CSMD1: variants seen among roughly 807,000 people sequenced by gnomAD.
CSMD1 encodes CUB and Sushi multiple domains 1.
CSMD1 carries 213 observed loss-of-function variants against 417.5 expected under a neutral mutation model. The ratio of observed to expected loss-of-function variants is 0.51; its 90% CI spans 0.46 to 0.57. The LOEUF (loss-of-function observed/expected upper bound fraction) is 0.57. Among genes scored for constraint, CSMD1 ranks in the 20% least tolerant of loss-of-function variants. CSMD1 has a pLI of 0.00. For synonymous variants in CSMD1, 2,862 were observed against 1,736.8 expected, an observed-to-expected ratio of 1.65 and a Z score of -16.11; for missense variants, 6,923 against 4,529.7, an observed-to-expected ratio of 1.53 and a Z score of -15.17.
chr8:4,291,491 T>A (rs902437260), intron 3 of CSMD1, among the ~76,000 whole-genome samples: 3 of 152,200 alleles, frequency 2.0e-5, no homozygotes, highest in Non-Finnish European at 4.4e-5. Flanking sequence ...TAATTCCCAG[T>A]GATTCTGACA....
At chr8:3,725,233 G>A (rs1479112135) in intron 6 of CSMD1, among the ~76,000 whole-genome samples, 3 of 152,130 alleles carry the variant, frequency 2.0e-5, no homozygotes, top group Non-Finnish European at 4.4e-5. Flanking sequence ...TTGCTAGGAA[G>A]GCCCTCAAGG....
At chr8:3,847,367 GT>G (rs1803578219) in intron 5 of CSMD1, among the ~76,000 whole-genome samples, 2 of 152,184 alleles carry the variant, frequency 1.3e-5, no homozygotes, top group South Asian at 4.2e-4. Context: ...AGCAGAAGTG[GT>G]CCCCTCCTGC....
intron 3 of CSMD1, among the ~76,000 whole-genome samples, chr8:4,392,133 C>T (rs897837874): frequency 6.6e-6 from 1 of 152,198 alleles, no homozygotes; most frequent in Non-Finnish European, 1.5e-5. Flanking sequence ...GAGTCAAGTC[C>T]AGATTGCTGA....
At chr8:4,075,782 C>A (rs149230844) in intron 3 of CSMD1, among the ~76,000 whole-genome samples, 1 of 152,052 alleles carries the variant, frequency 6.6e-6, no homozygotes, top group East Asian at 1.9e-4. Context: ...CCAGGTTTCT[C>A]AAGAGGTTGT....
intron 1 of CSMD1, among the ~76,000 whole-genome samples, chr8:4,743,140 C>G: frequency 6.6e-6 from 1 of 152,176 alleles, no homozygotes; most frequent in East Asian, 1.9e-4. Flanking sequence ...AATAACCAAA[C>G]TTTTAACAGA....
chr8:4,715,581 G>A (rs374864726), intron 1 of CSMD1, among the ~76,000 whole-genome samples: 1 of 152,078 alleles, frequency 6.6e-6, no homozygotes, highest in South Asian at 2.1e-4. Context: ...CTCTGCGGAT[G>A]CCTCACTGAC....
At chr8:4,881,897 C>T (rs1027908291) in intron 1 of CSMD1, among the ~76,000 whole-genome samples, 4 of 151,936 alleles carry the variant, frequency 2.6e-5, no homozygotes, top group African/African-American at 9.7e-5. Flanking sequence ...AGGGGAAAAA[C>T]ATTGATGCTG....
intron 47 of CSMD1, among the ~76,000 whole-genome samples, chr8:3,096,208 C>T (rs1459796341): frequency 6.6e-6 from 1 of 152,106 alleles, no homozygotes; most frequent in Non-Finnish European, 1.5e-5. Context: ...GGGTGTATTC[C>T]TAAGCATTCT....
chr8:4,149,241 G>T (rs748133274), intron 3 of CSMD1, among the ~76,000 whole-genome samples: 1 of 152,086 alleles, frequency 6.6e-6, no homozygotes, highest in Non-Finnish European at 1.5e-5. Flanking sequence ...TGAGATAACA[G>T]GCATAAGCCA....
intron 1 of CSMD1, among the ~76,000 whole-genome samples, chr8:4,986,120 G>C (rs1811167986): frequency 6.6e-6 from 1 of 152,134 alleles, no homozygotes; most frequent in Admixed American, 6.5e-5. Context: ...ATTGTTGATG[G>C]ACTTTGAACA....
intron 1 of CSMD1, among the ~76,000 whole-genome samples, chr8:4,977,853 G>C (rs1340734191): frequency 6.6e-6 from 1 of 152,232 alleles, no homozygotes; most frequent in Non-Finnish European, 1.5e-5. Flanking sequence ...AATTGACTAA[G>C]CACAGTGGAA....
intron 2 of CSMD1, among the ~76,000 whole-genome samples, chr8:4,461,865 C>T (rs954637580): frequency 2.0e-5 from 3 of 151,536 alleles, no homozygotes; most frequent in Admixed American, 6.6e-5. Context: ...CTCAGCCTCC[C>T]GAGTAGCTCG....
intron 3 of CSMD1, among the ~76,000 whole-genome samples, chr8:4,114,645 T>A (rs1356277925): frequency 2.0e-5 from 3 of 152,238 alleles, no homozygotes; most frequent in African/African-American, 7.2e-5. Context: ...TGGAAAGGAT[T>A]ATCTTTGCTA....
At chr8:4,331,237 G>A (rs1799852278) in intron 3 of CSMD1, among the ~76,000 whole-genome samples, 1 of 152,096 alleles carries the variant, frequency 6.6e-6, no homozygotes, top group African/African-American at 2.4e-5. Context: ...GTCCCTGTGG[G>A]AACCTCTTTC....
intron 5 of CSMD1, among the ~76,000 whole-genome samples, chr8:3,829,593 G>T (rs373597576): frequency 7.9e-5 from 12 of 152,126 alleles, no homozygotes; most frequent in Non-Finnish European, 1.3e-4. Flanking sequence ...TTAGAATAAT[G>T]ATGGGCCCCT....
At chr8:4,033,094 G>C (rs531487459) in intron 3 of CSMD1, among the ~76,000 whole-genome samples, 37 of 109,168 alleles carry the variant, frequency 3.4e-4, no homozygotes, top group Admixed American at 2.8e-3. Context: ...CATGTCTTTA[G>C]ACAATAACTT....
chr8:3,938,581 C>A (rs1810659455), intron 5 of CSMD1, among the ~76,000 whole-genome samples: 1 of 152,076 alleles, frequency 6.6e-6, no homozygotes, highest in South Asian at 2.1e-4. Flanking sequence ...TTTTTTCAGG[C>A]ATTTCTTGGA....
intron 3 of CSMD1, among the ~76,000 whole-genome samples, chr8:4,241,072 G>T (rs1700110): frequency 6.6e-6 from 1 of 151,782 alleles, no homozygotes; most frequent in Admixed American, 6.6e-5. Flanking sequence ...GGATTTGATC[G>T]CTGAATTACT....
rs1476204617 is a variant in CSMD1, at chr8:4,774,826, C to G, written c.86-137268G>C. Among the ~76,000 whole-genome samples the G allele has an allele frequency of 1.4e-5, 2 of 143,890 alleles. 1 individual carries two copies. The highest frequency in any genetic ancestry group is 2.9e-5 in the Non-Finnish European group (2 of 68,010). 94.4% of individuals were successfully genotyped at this position (143,890 alleles called of 152,430 possible). A position where few individuals can be genotyped will look rare whatever the true frequency, so the allele number is the denominator to read the frequency against. On this transcript the variant is annotated intron_variant, in intron 1 of 69. Coordinates refer to ENST00000635120, the MANE Select transcript of CSMD1 (RefSeq NM_033225.6). ...CCCCACTCGCTCTTTCTCTCTTCCT[C>G]CTACTGGAGGCATGTGAAGTGTTGA...
Sources: gnomAD v4.1 joint callset for allele counts (sites outside exome capture counted in the v4.1 genomes callset) on GRCh38, gnomAD v4.1.1 for gene constraint, MANE v1.5 for transcripts, NCBI Gene and HGNC (gene_info 2026-07-23, HGNC 2026-07-21) for gene names.